ERC1: variants seen among roughly 807,000 people sequenced by gnomAD.
ERC1 encodes the protein ELKS/RAB6-interacting/CAST family member 1, also known as RAB6 interacting protein 2.
ERC1 carries 56 observed loss-of-function variants against 132.0 expected under a neutral mutation model. That is an observed-to-expected ratio of 0.42 (90% CI 0.34 to 0.53). ERC1 has a LOEUF of 0.53. ERC1 is among the 20% of genes least tolerant of loss of function. The probability of loss-of-function intolerance (pLI) is 0.03; values close to 1 mark genes in which losing one functional copy is unlikely to be tolerated. For synonymous variants in ERC1, 478 were observed against 476.1 expected, an observed-to-expected ratio of 1.00 and a Z score of -0.05; for missense variants, 1,202 against 1,349.9, an observed-to-expected ratio of 0.89 and a Z score of 1.72.
At chr12:1,297,801 A>G (rs1439950307) in intron 15 of ERC1, among the ~76,000 whole-genome samples, 3 of 152,170 alleles carry the variant, frequency 2.0e-5, no homozygotes, top group Admixed American at 6.5e-5. Context: ...TTAAAAGACA[A>G]CTAACCATTT....
intron 17 of ERC1, among the ~76,000 whole-genome samples, chr12:1,435,407 C>T (rs537420523): frequency 1.3e-5 from 2 of 152,178 alleles, no homozygotes; most frequent in Non-Finnish European, 2.9e-5. Flanking sequence ...CAGGTATATA[C>T]CCCTGGCTTT....
intron 16 of ERC1, among the ~76,000 whole-genome samples, chr12:1,399,190 A>G (rs560271384): frequency 3.7e-4 from 56 of 151,986 alleles, no homozygotes; most frequent in African/African-American, 1.3e-3. Flanking sequence ...AGGCTCAAGC[A>G]GTCCTCCCAC....
At chr12:1,016,576 CTG>C (rs1196258119) in intron 1 of ERC1, among the ~76,000 whole-genome samples, 2 of 150,510 alleles carry the variant, frequency 1.3e-5, no homozygotes, top group Admixed American at 6.6e-5. Flanking sequence ...TGAGGCGAGA[CTG>C]GGGCTGTTTT....
At chr12:1,167,094 C>T (rs1196954056) in intron 8 of ERC1, among the ~76,000 whole-genome samples, 1 of 152,138 alleles carries the variant, frequency 6.6e-6, no homozygotes, top group African/African-American at 2.4e-5. Flanking sequence ...TTTGACCGAG[C>T]ACACATTTTA....
intron 16 of ERC1, among the ~76,000 whole-genome samples, chr12:1,379,636 T>G (rs1415429686): frequency 6.6e-6 from 1 of 152,190 alleles, no homozygotes; most frequent in African/African-American, 2.4e-5. Flanking sequence ...TCTCACACAG[T>G]GACTGAGGGT....
intron 8 of ERC1, among the ~76,000 whole-genome samples, chr12:1,168,055 C>G (rs1952619515): frequency 6.6e-6 from 1 of 152,120 alleles, no homozygotes; most frequent in Non-Finnish European, 1.5e-5. Flanking sequence ...AGGTAAGAAA[C>G]TGACATTTGG....
chr12:1,293,307 G>T (rs150389106), intron 15 of ERC1, among the ~76,000 whole-genome samples: 1,887 of 150,410 alleles, frequency 0.013, 61 homozygotes, highest in African/African-American at 0.043. Flanking sequence ...CAAAACATTA[G>T]CCAGGCGTGG....
At chr12:1,303,164 G>T (rs578148555) in intron 15 of ERC1, among the ~76,000 whole-genome samples, 4 of 152,252 alleles carry the variant, frequency 2.6e-5, no homozygotes, top group African/African-American at 7.2e-5. Flanking sequence ...GCAGAGTGGT[G>T]GTTGCTGAAG....
At chr12:1,004,401 CTTTTT>C (rs71055118) in intron 1 of ERC1, among the ~76,000 whole-genome samples, 7 of 95,022 alleles carry the variant, frequency 7.4e-5, no homozygotes, top group Admixed American at 4.1e-4. Flanking sequence ...TTTTCTTTCT[CTTTTT>C]TTTTTTTTTT....
At chr12:1,436,075 C>T (rs949663893) in intron 17 of ERC1, among the ~76,000 whole-genome samples, 18 of 152,096 alleles carry the variant, frequency 1.2e-4, no homozygotes, top group South Asian at 6.2e-4. Context: ...TTTGGTTTGA[C>T]GCTAGAGTTC....
At position 1,394,038 on chromosome 12, in the gene ERC1, AAAAAAACC is replaced by A. The variant is rs1468321949; in HGVS notation, c.2926-14109_2926-14102del. Among the ~76,000 whole-genome samples the A allele has an allele frequency of 1.9e-4, 17 of 87,550 alleles. 1 individual carries two copies. The highest frequency in any genetic ancestry group is 7.7e-4 in the African/African-American group (16 of 20,732). 57.4% of individuals were successfully genotyped at this position (87,550 alleles called of 152,430 possible). ...CTCAAAAAAAAAAAAAAAAAACAAA[AAAAAAACC>A]ACAAAGCATTAAGCAATTTAATTTC... is the stretch of plus-strand genomic sequence containing the variant. On this transcript the variant is annotated intron_variant, in intron 16 of 18. Transcript: ENST00000360905.
At chr12:1,036,324 A>G (rs996874332) in intron 2 of ERC1, among the ~76,000 whole-genome samples, 1 of 149,388 alleles carries the variant, frequency 6.7e-6, no homozygotes, top group African/African-American at 2.5e-5. Context: ...TTTAGGTTGT[A>G]TCTTGATTTG....
chr12:1,470,653 T>C (rs2093842570), intron 18 of ERC1, among the ~76,000 whole-genome samples: 1 of 152,196 alleles, frequency 6.6e-6, no homozygotes, highest in Non-Finnish European at 1.5e-5. Context: ...CTCTGTTCAC[T>C]TCAGTTAATA....
intron 8 of ERC1, among the ~76,000 whole-genome samples, chr12:1,178,513 G>A (rs1322102243): frequency 6.6e-6 from 1 of 152,004 alleles, no homozygotes; most frequent in Non-Finnish European, 1.5e-5. Flanking sequence ...GGAGATATGT[G>A]ATCAATATAT....
At chr12:1,478,195 C>T (rs1026700714) in intron 18 of ERC1, among the ~76,000 whole-genome samples, 8 of 152,340 alleles carry the variant, frequency 5.3e-5, no homozygotes, top group African/African-American at 1.7e-4. Flanking sequence ...AGTGGTTCCA[C>T]GTCCTTGTCA....
intron 18 of ERC1, among the ~76,000 whole-genome samples, chr12:1,447,869 C>T (rs928575565): frequency 2.0e-5 from 3 of 152,092 alleles, no homozygotes; most frequent in African/African-American, 4.8e-5. Flanking sequence ...AGTCTGGTCT[C>T]GAACTCCTGA....
At chr12:1,325,159 G>C (rs1268410362) in intron 15 of ERC1, among the ~76,000 whole-genome samples, 1 of 152,170 alleles carries the variant, frequency 6.6e-6, no homozygotes, top group East Asian at 1.9e-4. Flanking sequence ...GTTTTAGGCA[G>C]AACATGGACT....
intron 1 of ERC1, among the ~76,000 whole-genome samples, chr12:1,024,006 G>A (rs1966734286): frequency 6.6e-6 from 1 of 152,122 alleles, no homozygotes; most frequent in Non-Finnish European, 1.5e-5. Flanking sequence ...GAGAGAGAAA[G>A]TTGAGATAGT....
At chr12:1,244,459 C>A in intron 13 of ERC1, 3 of 428,084 alleles carry the variant, frequency 7.0e-6, no homozygotes, top group South Asian at 3.5e-5. Context: ...TATAATAATT[C>A]TAGTATTAAA....
Sources: gnomAD v4.1 joint callset for allele counts (sites outside exome capture counted in the v4.1 genomes callset) on GRCh38, gnomAD v4.1.1 for gene constraint, MANE v1.5 for transcripts, NCBI Gene and HGNC (gene_info 2026-07-23, HGNC 2026-07-21) for gene names.